Variants in CERS3 observed in about 807,000 individuals in gnomAD.
CERS3 encodes ceramide synthase 3.
CERS3 carries 33 observed loss-of-function variants against 50.3 expected under a neutral mutation model. The observed-to-expected ratio is 0.66, with a 90% CI of 0.50 to 0.88. CERS3 has a LOEUF of 0.88. CERS3 is among the 40% of genes least tolerant of loss of function. CERS3 has a pLI of 0.00. For missense variants in CERS3, 470 were observed against 460.3 expected, an observed-to-expected ratio of 1.02 and a Z score of -0.19; for synonymous variants, 176 against 155.2, an observed-to-expected ratio of 1.13 and a Z score of -0.99.
chr15:100,484,630 C>G lies in CERS3; in HGVS notation c.327G>C (p.Thr109=). 1 of 1,614,044 alleles carries G rather than the reference C, an allele frequency of 6.2e-7. No homozygotes were observed. Among genetic ancestry groups the G allele is most frequent in the Admixed American group, 1.7e-5 (1 of 60,016 alleles). The change falls in exon 5 of 12, where the codon ACG becomes ACC. Residue 109 remains threonine, a synonymous_variant. Transcript: ENST00000679737. The part of the protein sequence containing the change: ...IYGLAKKCNL[T]ERQVERWFRS... Reference sequence around the variant, plus strand: ...TAAACCATCTTTCCACCTGGCGCTCCGTCAAGTTACACTTCTTTGCCAGTC... The same window carrying G: ...TAAACCATCTTTCCACCTGGCGCTCGGTCAAGTTACACTTCTTTGCCAGTC...
chr15:100,471,964 A>T (rs1399744757), intron 9 of CERS3, among the ~76,000 whole-genome samples: 1 of 152,144 alleles, frequency 6.6e-6, no homozygotes, highest in East Asian at 1.9e-4. Context: ...AAAGCAAAAA[A>T]CAAAAAACAC....
intron 11 of CERS3, among the ~76,000 whole-genome samples, chr15:100,418,276 T>G (rs1028222940): frequency 1.3e-5 from 2 of 151,106 alleles, no homozygotes; most frequent in Admixed American, 1.3e-4. Context: ...GAGAACTACG[T>G]GAAGAATGCA....
intron 3 of CERS3, among the ~76,000 whole-genome samples, chr15:100,495,450 G>T (rs977311704): frequency 1.3e-5 from 2 of 152,184 alleles, no homozygotes; most frequent in Admixed American, 6.5e-5. Flanking sequence ...TTTTATGGAA[G>T]AAAGAATTTT....
chr15:100,427,566 A>T (rs1245117205), intron 11 of CERS3, among the ~76,000 whole-genome samples: 1 of 152,190 alleles, frequency 6.6e-6, no homozygotes, highest in Non-Finnish European at 1.5e-5. Flanking sequence ...CCAGAGCCCC[A>T]GGTGCCTGGA....
At chr15:100,525,960 T>C (rs955694770) in intron 1 of CERS3, among the ~76,000 whole-genome samples, 2 of 152,224 alleles carry the variant, frequency 1.3e-5, no homozygotes, top group Admixed American at 1.3e-4. Flanking sequence ...ACTCGGGCTG[T>C]ATAAGATCAA....
chr15:100,492,186 AGAGTG>A (rs1192249003), intron 3 of CERS3, among the ~76,000 whole-genome samples: 1 of 152,196 alleles, frequency 6.6e-6, no homozygotes, highest in Non-Finnish European at 1.5e-5. Flanking sequence ...GTTGTTGAGT[AGAGTG>A]TTCTATAGAT....
intron 10 of CERS3, among the ~76,000 whole-genome samples, chr15:100,467,129 A>G (rs1304686572): frequency 6.6e-6 from 1 of 151,978 alleles, no homozygotes; most frequent in Non-Finnish European, 1.5e-5. Flanking sequence ...GTACCGGGAT[A>G]TAGGCGTGAG....
intron 11 of CERS3, among the ~76,000 whole-genome samples, chr15:100,406,121 A>G (rs2031005631): frequency 6.6e-6 from 1 of 152,256 alleles, no homozygotes; most frequent in East Asian, 1.9e-4. Flanking sequence ...GGTGCTATAG[A>G]TCCACCCTCA....
chr15:100,409,300 A>G (rs1458800365), intron 11 of CERS3, among the ~76,000 whole-genome samples: 1 of 152,180 alleles, frequency 6.6e-6, no homozygotes, highest in Non-Finnish European at 1.5e-5. Context: ...CATGTTCTAC[A>G]TTCTATTTCA....
intron 7 of CERS3, among the ~76,000 whole-genome samples, chr15:100,476,663 T>C (rs2035136923): frequency 6.6e-6 from 1 of 152,164 alleles, no homozygotes; most frequent in Admixed American, 6.5e-5. Context: ...TGCATAATTA[T>C]TTAAGAACTC....
At chr15:100,459,572 C>T (rs952942877) in intron 10 of CERS3, among the ~76,000 whole-genome samples, 4 of 152,144 alleles carry the variant, frequency 2.6e-5, no homozygotes, top group Non-Finnish European at 4.4e-5. Context: ...GGATTATAGG[C>T]ATGAACCACC....
chr15:100,439,779 CAG>C (rs1261161858), intron 11 of CERS3, among the ~76,000 whole-genome samples: 24 of 152,208 alleles, frequency 1.6e-4, no homozygotes, highest in African/African-American at 5.5e-4. Context: ...CTGTGGAAAA[CAG>C]AGTACACATG....
At chr15:100,516,643 G>T (rs959726258) in intron 2 of CERS3, among the ~76,000 whole-genome samples, 3 of 152,190 alleles carry the variant, frequency 2.0e-5, no homozygotes, top group African/African-American at 7.2e-5. Flanking sequence ...AGAGAGAAAT[G>T]GGAGAACCTC....
intron 11 of CERS3, among the ~76,000 whole-genome samples, chr15:100,421,447 T>G (rs550390140): frequency 6.6e-6 from 1 of 152,028 alleles, no homozygotes; most frequent in Non-Finnish European, 1.5e-5. Context: ...TACAAACAAA[T>G]GGAAGAACAT....
At chr15:100,486,927 G>T (rs1417659935) in intron 4 of CERS3, among the ~76,000 whole-genome samples, 1 of 152,098 alleles carries the variant, frequency 6.6e-6, no homozygotes, top group African/African-American at 2.4e-5. Flanking sequence ...ATTGCCCAAT[G>T]AATTATTAAT....
At chr15:100,464,342 T>C (rs1352443895) in intron 10 of CERS3, among the ~76,000 whole-genome samples, 1 of 152,250 alleles carries the variant, frequency 6.6e-6, no homozygotes, top group African/African-American at 2.4e-5. Context: ...CCTTATATAA[T>C]GCACTCCTGA....
intron 5 of CERS3, 131 bp from the exon 6 acceptor site, chr15:100,480,177 G>C (rs2035255623): frequency 4.4e-6 from 3 of 685,454 alleles, no homozygotes; most frequent in East Asian, 2.7e-5. Flanking sequence ...TTCTATCCTG[G>C]CTCTGCCCCA....
intron 3 of CERS3, among the ~76,000 whole-genome samples, chr15:100,497,276 GAC>G (rs1351445188): frequency 6.6e-6 from 1 of 151,796 alleles, no homozygotes; most frequent in Admixed American, 6.6e-5. Context: ...GAGACAGAGA[GAC>G]ACACACAGAG....
At chr15:100,451,384 A>C (rs563806714) in intron 11 of CERS3, among the ~76,000 whole-genome samples, 2 of 152,134 alleles carry the variant, frequency 1.3e-5, no homozygotes, top group South Asian at 4.2e-4. Context: ...TGCTGCCTAC[A>C]AGAAGTTTAT....
Sources: gnomAD v4.1 joint callset for allele counts (sites outside exome capture counted in the v4.1 genomes callset) on GRCh38, gnomAD v4.1.1 for gene constraint, MANE v1.5 for transcripts, NCBI Gene and HGNC (gene_info 2026-07-23, HGNC 2026-07-21) for gene names.